The following UPK3A variants were observed in gnomAD, a reference collection of about 807,000 sequenced individuals.
UPK3A encodes uroplakin 3A.
UPK3A carries 32 observed loss-of-function variants against 27.6 expected under a neutral mutation model. The ratio of observed to expected loss-of-function variants is 1.16; its 90% CI spans 0.87 to 1.55. UPK3A has a LOEUF of 1.55. UPK3A is among the 40% of genes most tolerant of loss of function. The probability of loss-of-function intolerance (pLI) is 0.00; values close to 1 mark genes in which losing one functional copy is unlikely to be tolerated. For synonymous variants in UPK3A, 171 were observed against 163.9 expected (o/e 1.04, Z -0.33); for missense variants, 370 against 367.9 (o/e 1.01, Z -0.05).
At chr22:45,286,828 C>T (rs1051644547) in intron 2 of UPK3A, among the ~76,000 whole-genome samples, 4 of 152,162 alleles carry the variant, frequency 2.6e-5, no homozygotes, top group African/African-American at 9.7e-5. Flanking sequence ...GGTCCTGCCT[C>T]CACGTTATTT....
chr22:45,286,951 TA>T (rs1217257487), intron 2 of UPK3A, among the ~76,000 whole-genome samples: 2 of 152,100 alleles, frequency 1.3e-5, no homozygotes, highest in East Asian at 3.9e-4. Context: ...TGTCACAAGA[TA>T]AGGCGAGAGT....
intron 2 of UPK3A, among the ~76,000 whole-genome samples, chr22:45,286,718 G>A (rs969099713): frequency 4.6e-5 from 7 of 151,982 alleles, no homozygotes; most frequent in African/African-American, 7.3e-5. Flanking sequence ...CCTGATCTCC[G>A]GGCACTGTAG....
chr22:45,290,917 G>A (rs1000763837), intron 4 of UPK3A, among the ~76,000 whole-genome samples: 1 of 152,088 alleles, frequency 6.6e-6, no homozygotes, highest in Non-Finnish European at 1.5e-5. Flanking sequence ...ATGTGTCACT[G>A]TCTCCCATCA....
In UPK3A at chr22:45,287,260, C is replaced by G; in HGVS notation, c.297C>G (p.Pro99=). The G allele has an allele frequency of 6.2e-7, 1 of 1,614,212 alleles. No individual in the cohort carries two copies. Among genetic ancestry groups the G allele is most frequent in the Non-Finnish European group, 8.5e-7 (1 of 1,180,042 alleles). Residue 99 remains proline, a synonymous_variant, in exon 3 of 6, where the codon CCC becomes CCG. Transcript: ENST00000216211. ...AAACAGAGGGTGGGAGGACAGGTCCCTACAAAGCTGTGGCCTTTGACCTGA... is the reference window on the plus strand; with the variant it reads ...AAACAGAGGGTGGGAGGACAGGTCCGTACAAAGCTGTGGCCTTTGACCTGA... ...FLQTEGGRTG[P]YKAVAFDLIP... is the part of the protein sequence containing the mutation.
Position 45,295,733 on chromosome 22 carries a change from C to T in UPK3A, c.*14C>T. 6.2e-7 allele frequency: 1 copy of T among 1,613,544 alleles called. No individual in the cohort carries two copies. Among genetic ancestry groups the T allele is most frequent in the South Asian group, 1.1e-5 (1 of 91,072 alleles). Reference sequence around the variant, plus strand: ...CTCCAAGACTGAGCCCAGCACCACCCCTGGGCAGCAGCATCCTCCTCTCTG... The same window carrying T: ...CTCCAAGACTGAGCCCAGCACCACCTCTGGGCAGCAGCATCCTCCTCTCTG... On this transcript the variant is annotated 3_prime_UTR_variant, in exon 6 of 6. Coordinates refer to ENST00000216211, the MANE Select transcript of UPK3A (RefSeq NM_006953.4).
intron 3 of UPK3A, 149 bp downstream of exon 3, chr22:45,287,600 AG>A: frequency 1.1e-6 from 1 of 896,458 alleles, no homozygotes; most frequent in Non-Finnish European, 1.7e-6. Flanking sequence ...CTGAGCCTCA[AG>A]TTCAGAAGAG....
chr22:45,285,208 G>A, intron 1 of UPK3A, 143 bp downstream of exon 1: 1 of 768,608 alleles, frequency 1.3e-6, no homozygotes, highest in Non-Finnish European at 2.0e-6. Context: ...CAACGTTTAC[G>A]GGCCTCCTCT....
At chr22:45,291,753 T>G (rs1432934983) in intron 4 of UPK3A, among the ~76,000 whole-genome samples, 1 of 143,298 alleles carries the variant, frequency 7.0e-6, no homozygotes, top group Non-Finnish European at 1.5e-5. Flanking sequence ...TGTGTGTGTG[T>G]GAGTTGGTAT....
chr22:45,290,453 G>C (rs1423996758), intron 4 of UPK3A, among the ~76,000 whole-genome samples: 1 of 152,142 alleles, frequency 6.6e-6, no homozygotes, highest in Non-Finnish European at 1.5e-5. Flanking sequence ...GTGAGTGCCC[G>C]TGCCTGTTGT....
At chr22:45,292,575 C>G (rs2084169082) in intron 4 of UPK3A, among the ~76,000 whole-genome samples, 5 of 152,124 alleles carry the variant, frequency 3.3e-5, no homozygotes. Flanking sequence ...AGCCATCTCA[C>G]CAGAAGACTT....
At chr22:45,289,902 C>G (rs1179917087) in intron 4 of UPK3A, among the ~76,000 whole-genome samples, 5 of 152,150 alleles carry the variant, frequency 3.3e-5, no homozygotes, top group East Asian at 3.9e-4. Context: ...CCCATTCCTC[C>G]GTCTCTCCAG....
At chr22:45,288,440 C>T (rs537078432) in intron 3 of UPK3A, among the ~76,000 whole-genome samples, 11 of 152,244 alleles carry the variant, frequency 7.2e-5, no homozygotes, top group Middle Eastern at 3.4e-3. Context: ...CCTCATGATC[C>T]GCCCGCCTCA....
intron 2 of UPK3A, among the ~76,000 whole-genome samples, chr22:45,286,475 G>A (rs989589078): frequency 3.3e-5 from 5 of 152,098 alleles, no homozygotes; most frequent in African/African-American, 1.2e-4. Context: ...CAAGCCCAAG[G>A]TCCTTCCTGA....
At chr22:45,288,422 T>A (rs1569104559) in intron 3 of UPK3A, among the ~76,000 whole-genome samples, 1 of 152,074 alleles carries the variant, frequency 6.6e-6, no homozygotes, top group African/African-American at 2.4e-5. Context: ...ATGGTCTCGA[T>A]CTCCTGACCT....
chr22:45,284,982 C>T lies in UPK3A; in HGVS notation c.-32C>T, dbSNP rs1360581143. ...TGCCCGCGCCTGCTCGCTGGACCGC[C>T]CGCCCCGCGCTCTGGCGGCTCCTCC... On this transcript the variant is annotated 5_prime_UTR_variant, in exon 1 of 6. Coordinates refer to ENST00000216211, the MANE Select transcript of UPK3A (RefSeq NM_006953.4). The T allele has an allele frequency of 2.0e-6, 3 of 1,528,102 alleles. No homozygotes were observed. The highest frequency in any genetic ancestry group is 1.4e-5 in the African/African-American group (1 of 72,388). 94.7% of individuals were successfully genotyped at this position (1,528,102 alleles called of 1,614,324 possible).
At position 45,285,025 on chromosome 22, in the gene UPK3A, C is replaced by A; in HGVS notation, c.12C>A (p.Leu4=). ...GCTCCTCCCGGGCGATGCCTCCGCT[C>A]TGGGCCCTGCTGGCCCTCGGCTGCC... The part of the protein sequence containing the change: MPP[L]WALLALGCLR... Residue 4 remains leucine, a synonymous_variant, in exon 1 of 6, where the codon CTC becomes CTA. Transcript: ENST00000216211. The A allele has an allele frequency of 6.5e-7, 1 of 1,533,866 alleles. No homozygotes were observed. Among genetic ancestry groups the A allele is most frequent in the South Asian group, 1.2e-5 (1 of 83,930 alleles).
intron 5 of UPK3A, among the ~76,000 whole-genome samples, chr22:45,293,585 A>G (rs995884814): frequency 6.6e-6 from 1 of 152,162 alleles, no homozygotes; most frequent in African/African-American, 2.4e-5. Flanking sequence ...CTTAGCTCTG[A>G]CACTGAAGAG....
intron 4 of UPK3A, 100 bp from the exon 5 acceptor site, chr22:45,293,081 A>AT: frequency 6.4e-7 from 1 of 1,553,842 alleles, no homozygotes; most frequent in Non-Finnish European, 8.7e-7. Flanking sequence ...TCATCCCTGG[A>AT]TCCCCGGCAG....
rs749421617 is a variant in UPK3A, at chr22:45,295,587, G to C, written c.732G>C (p.Thr244=). Residue 244 remains threonine (T), a synonymous_variant, in exon 6 of 6, where the codon ACG becomes ACC. Coordinates refer to ENST00000216211, the MANE Select transcript of UPK3A (RefSeq NM_006953.4). The part of the protein sequence containing the change: ...LVDMGSSDGE[T]THDSQITQEA... ...ACATGGGGAGTTCTGATGGGGAAAC[G>C]ACTCACGACTCCCAAATCACTCAGG... 1.7e-5 allele frequency: 27 copies of C among 1,613,952 alleles called. No homozygotes were observed. The highest frequency in any genetic ancestry group is 2.3e-5 in the Non-Finnish European group (27 of 1,180,022).
Sources: gnomAD v4.1 joint callset for allele counts (sites outside exome capture counted in the v4.1 genomes callset) on GRCh38, gnomAD v4.1.1 for gene constraint, MANE v1.5 for transcripts, NCBI Gene and HGNC (gene_info 2026-07-23, HGNC 2026-07-21) for gene names.